Variants in CTSK observed in about 807,000 individuals in gnomAD.
The protein encoded by CTSK is cathepsin K.
A neutral mutation model predicts 40.5 loss-of-function variants in CTSK; 26 were observed. The observed-to-expected ratio is 0.64, with a 90% CI of 0.47 to 0.89. The LOEUF (loss-of-function observed/expected upper bound fraction) is 0.89. Ranked by LOEUF, CTSK falls within the 40% of genes least tolerant of loss-of-function variation. CTSK has a pLI of 0.00. For synonymous variants in CTSK, 132 were observed against 143.2 expected, an observed-to-expected ratio of 0.92 and a Z score of 0.56; for missense variants, 292 against 400.1, an observed-to-expected ratio of 0.73 and a Z score of 2.30.
intron 7 of CTSK, among the ~76,000 whole-genome samples, chr1:150,797,716 C>T (rs587729887): frequency 2.0e-5 from 3 of 152,188 alleles, no homozygotes; most frequent in Non-Finnish European, 4.4e-5. Flanking sequence ...TACCCTCCCC[C>T]ACTCTCCCCT....
Position 150,806,698 on chromosome 1 carries a change from T to G in CTSK, c.108A>C (p.Gln36His), listed in dbSNP as rs1460106966. The G allele has an allele frequency of 6.2e-7, 1 of 1,614,088 alleles. No individual in the cohort carries two copies. Among genetic ancestry groups the G allele is most frequent in the Non-Finnish European group, 8.5e-7 (1 of 1,180,012 alleles). ...WELWKKTHRK[Q>H]YNNKVDEISR... ...GGACCCCAGGCACCTTGTTGTTATATTGCTTCCTGTGGGTCTTCTTCCATA... is the reference window on the plus strand; with the variant it reads ...GGACCCCAGGCACCTTGTTGTTATAGTGCTTCCTGTGGGTCTTCTTCCATA... Residue 36 changes from glutamine (Q) to histidine (H), a missense_variant, in exon 2 of 8, where the codon CAA becomes CAC. Transcript: ENST00000271651.
At chr1:150,805,263 T>A (rs1329141621) in intron 4 of CTSK, among the ~76,000 whole-genome samples, 1 of 150,346 alleles carries the variant, frequency 6.7e-6, no homozygotes, top group Non-Finnish European at 1.5e-5. Context: ...GACCTAACAA[T>A]TCCAATTTTA....
Position 150,807,078 on chromosome 1 carries a change from T to TCACACACACACACA in CTSK, c.-1-273_-1-272insTGTGTGTGTGTGTG, listed in dbSNP as rs779217637. Among the ~76,000 whole-genome samples the TCACACACACACACA allele has an allele frequency of 3.9e-3, 474 of 120,562 alleles. 1 individual carries two copies. The highest frequency in any genetic ancestry group is 5.8e-3 in the Non-Finnish European group (332 of 57,632). The allele number at this position is 120,562 out of a possible 152,430, so 79.1% of individuals were successfully genotyped here. ...CTGTTTCTCTCTCTGTCTCTCTCTCTCTCACACACACACACACACACACAC... is the reference window on the plus strand; with the variant it reads ...CTGTTTCTCTCTCTGTCTCTCTCTCTCACACACACACACACTCACACACACACACACACACACAC... On this transcript the variant is annotated intron_variant, in intron 1 of 7. Transcript: ENST00000271651.
intron 1 of CTSK, among the ~76,000 whole-genome samples, chr1:150,807,080 T>TCACACACACACA (rs1171180978): frequency 5.2e-4 from 36 of 69,664 alleles, no homozygotes; most frequent in East Asian, 7.5e-4. Flanking sequence ...TCTCTCTCTC[T>TCACACACACACA]CACACACACA....
intron 7 of CTSK, among the ~76,000 whole-genome samples, chr1:150,797,533 T>C (rs921229859): frequency 6.6e-6 from 1 of 152,112 alleles, no homozygotes; most frequent in African/African-American, 2.4e-5. Flanking sequence ...GATGAAACTA[T>C]GAGAGTGGAT....
At chr1:150,807,145 G>A (rs1483745452) in intron 1 of CTSK, 7 of 436,778 alleles carry the variant, frequency 1.6e-5, no homozygotes, top group African/African-American at 1.4e-4. Context: ...CAGAAATGGG[G>A]GATAGAAACT....
chr1:150,806,907 TA>T, intron 1 of CTSK, 101 bp from the exon 2 acceptor site: 1 of 1,414,676 alleles, frequency 7.1e-7, no homozygotes, highest in Non-Finnish European at 9.9e-7. Flanking sequence ...AAAAGGGTGA[TA>T]AAACAATGAT....
intron 1 of CTSK, 84 bp from the exon 2 acceptor site, chr1:150,806,890 A>C (rs1654105429): frequency 6.6e-7 from 1 of 1,514,400 alleles, no homozygotes; most frequent in Non-Finnish European, 9.1e-7. Context: ...AGAGAAAGGT[A>C]GACGGAAAAA....
intron 2 of CTSK, 84 bp downstream of exon 2, chr1:150,806,602 G>A: frequency 6.4e-7 from 1 of 1,567,904 alleles, no homozygotes; most frequent in Admixed American, 1.7e-5. Context: ...AAAGCATTTG[G>A]ATTGAAGAAG....
Position 150,804,201 on chromosome 1 carries a change from A to G in CTSK, c.438T>C (p.Gly146=). The part of the protein sequence containing the change: ...CGSCWAFSSV[G]ALEGQLKKKT... ...TCTTCTTGAGTTGGCCCTCCAGGGC[A>G]CCCACAGAGCTAAAAGCCCAACAGG... The change falls in exon 5 of 8, where the codon GGT becomes GGC. Residue 146 remains glycine (G), a synonymous_variant. Transcript: ENST00000271651. 1 of 1,614,194 alleles carries G rather than the reference A, an allele frequency of 6.2e-7. No homozygotes were observed. Among genetic ancestry groups the G allele is most frequent in the African/African-American group, 1.3e-5 (1 of 75,050 alleles).
At chr1:150,798,200 AC>A (rs1159974135) in intron 7 of CTSK, among the ~76,000 whole-genome samples, 1 of 152,144 alleles carries the variant, frequency 6.6e-6, no homozygotes, top group Non-Finnish European at 1.5e-5. Context: ...GTAAACACTA[AC>A]TTTTTTTGTT....
At chr1:150,804,347 G>T in intron 4 of CTSK, 108 bp from the exon 5 acceptor site, 1 of 843,328 alleles carries the variant, frequency 1.2e-6, no homozygotes, top group Non-Finnish European at 2.0e-6. Context: ...CAGCACAAAT[G>T]TTGTCATTGT....
chr1:150,799,037 G>A (rs1653929385), intron 7 of CTSK, 131 bp downstream of exon 7: 2 of 705,882 alleles, frequency 2.8e-6, no homozygotes, highest in African/African-American at 1.8e-5. Context: ...CTCTGACTGA[G>A]AAGATAGAAG....
intron 4 of CTSK, among the ~76,000 whole-genome samples, chr1:150,804,968 T>C (rs1654056435): frequency 6.6e-6 from 1 of 152,094 alleles, no homozygotes; most frequent in Non-Finnish European, 1.5e-5. Context: ...TCCTAGCACT[T>C]TGGGAGGCCG....
At chr1:150,801,687 T>C (rs1571124896) in intron 5 of CTSK, among the ~76,000 whole-genome samples, 3 of 151,802 alleles carry the variant, frequency 2.0e-5, no homozygotes, top group Non-Finnish European at 2.9e-5. Context: ...TACAGGCACC[T>C]GCCACCACGC....
chr1:150,806,756 T>G lies in CTSK; in HGVS notation c.50A>C (p.Tyr17Ser). Reference protein sequence around the residue: ...LLLPVVSFALYPEEILDTHWE... With the variant: ...LLLPVVSFALSPEEILDTHWE... Reference sequence around the variant, plus strand: ...GTGGGTGTCCAGTATCTCCTCAGGGTACAGAGCAAAGCTCACCACAGGTAG... The same window carrying G: ...GTGGGTGTCCAGTATCTCCTCAGGGGACAGAGCAAAGCTCACCACAGGTAG... Residue 17 changes from tyrosine (Y) to serine (S), a missense_variant, in exon 2 of 8, where the codon TAC (tyrosine) becomes TCC (serine). By Grantham distance (144) the Tyr-to-Ser change is moderately radical (BLOSUM62 -2). Transcript: ENST00000271651. The G allele has an allele frequency of 5.0e-6, 8 of 1,613,988 alleles. No homozygotes were observed. Among genetic ancestry groups the G allele is most frequent in the Non-Finnish European group, 6.8e-6 (8 of 1,179,994 alleles).
rs1654079662 is a variant in CTSK, at chr1:150,805,863, G to A, written c.397C>T (p.Gln133Ter). 1.2e-6 allele frequency: 2 copies of A among 1,614,042 alleles called. No homozygotes were observed. Among genetic ancestry groups the A allele is most frequent in the Non-Finnish European group, 1.7e-6 (2 of 1,179,988 alleles). The change falls in exon 4 of 8, where the codon CAG becomes TAG. Residue 133 changes from glutamine to a stop codon, truncating the protein, a stop_gained and splice_region_variant. Coordinates refer to ENST00000271651, the MANE Select transcript of CTSK (RefSeq NM_000396.4). LOFTEE classifies it high-confidence loss of function. ...ACACCCAGAAGAAAGGAGAGTACCT[G>A]ATTTTTGACAGGAGTAACATATCCT... ...KKGYVTPVKN[Q>*]GQCGSCWAFS... is the part of the protein sequence containing the mutation.
intron 7 of CTSK, among the ~76,000 whole-genome samples, chr1:150,797,621 C>T (rs1408197951): frequency 1.3e-5 from 2 of 152,076 alleles, no homozygotes; most frequent in African/African-American, 4.8e-5. Flanking sequence ...GAGAGATTGT[C>T]TGTTTATCTT....
At chr1:150,805,456 A>G (rs1654067501) in intron 4 of CTSK, among the ~76,000 whole-genome samples, 1 of 151,726 alleles carries the variant, frequency 6.6e-6, no homozygotes, top group Non-Finnish European at 1.5e-5. Flanking sequence ...CCTGGCCAAC[A>G]TGGTGAAAAC....
Sources: allele counts gnomAD v4.1 joint callset (sites outside exome capture counted in the v4.1 genomes callset), GRCh38; gene constraint gnomAD v4.1.1; transcripts MANE v1.5; gene names NCBI Gene and HGNC (gene_info 2026-07-23, HGNC 2026-07-21).